DTNBP1: variants seen among roughly 807,000 people sequenced by gnomAD.
DTNBP1 encodes dystrobrevin binding protein 1, also known as dysbindin.
In DTNBP1, 35 loss-of-function variants were observed where a neutral mutation model predicts 42.8. That is an observed-to-expected ratio of 0.82 (90% CI 0.63 to 1.09). The LOEUF is 1.09. DTNBP1 is among the 50% of genes least tolerant of loss of function. DTNBP1 has a pLI of 0.00. For synonymous variants in DTNBP1, 171 were observed against 162.2 expected, an observed-to-expected ratio of 1.05 and a Z score of -0.41; for missense variants, 457 against 424.2, an observed-to-expected ratio of 1.08 and a Z score of -0.68.
rs34253215 is a variant in DTNBP1 at position 15,546,063 on chromosome 6, C to CTTTTTT, written c.512-12674_512-12669dup. On this transcript the variant is annotated intron_variant, in intron 7 of 9. Transcript: ENST00000344537. ...ATGGATCGGAAGGTCACCTCCAGTT[C>CTTTTTT]TTTTTTTTTTTTTTTTTTTTGAGAC... The CTTTTTT allele has an allele frequency of 8.3e-4, 257 of 310,786 alleles. 1 individual carries two copies. The highest frequency in any genetic ancestry group is 1.5e-3 in the South Asian group (63 of 42,268). 19.3% of individuals were successfully genotyped at this position (310,786 alleles called of 1,614,324 possible).
intron 6 of DTNBP1, among the ~76,000 whole-genome samples, chr6:15,594,503 C>CA (rs1372875556): frequency 1.3e-5 from 2 of 149,450 alleles, no homozygotes; most frequent in Non-Finnish European, 3.0e-5. Context: ...AAAACAAAAA[C>CA]AAAACCTGTG....
chr6:15,608,103 G>A (rs961667501), intron 6 of DTNBP1, among the ~76,000 whole-genome samples: 1 of 151,918 alleles, frequency 6.6e-6, no homozygotes, highest in Non-Finnish European at 1.5e-5. Context: ...ACACAAATAT[G>A]CTTTTTCTCC....
rs192977641 is a variant in DTNBP1, at chr6:15,633,778, C to T, written c.222+3966G>A. ...TTCAGTAACCACCACCCTGATCAGTCGGCAGCTATAAACATTAAAAAAAAA... is the reference window on the plus strand; with the variant it reads ...TTCAGTAACCACCACCCTGATCAGTTGGCAGCTATAAACATTAAAAAAAAA... On this transcript the variant is annotated intron_variant, in intron 4 of 9. Transcript: ENST00000344537. Among the ~76,000 whole-genome samples the T allele has an allele frequency of 3.6e-3, 540 of 151,986 alleles. 2 individuals are homozygous for T. The highest frequency in any genetic ancestry group is 9.0e-3 in the African/African-American group (372 of 41,450).
intron 7 of DTNBP1, chr6:15,585,914 T>G (rs1426106880): frequency 7.1e-7 from 1 of 1,408,230 alleles, no homozygotes; most frequent in African/African-American, 1.4e-5. Context: ...GAAATTGTAG[T>G]AAGCCTATTA....
At chr6:15,615,048 T>C (rs1758637348) in intron 6 of DTNBP1, 1 of 700,598 alleles carries the variant, frequency 1.4e-6, no homozygotes, top group Non-Finnish European at 2.5e-6. Flanking sequence ...TCTTTATATT[T>C]GGGATTCATG....
chr6:15,562,832 A>G (rs1774905714), intron 7 of DTNBP1, among the ~76,000 whole-genome samples: 1 of 152,220 alleles, frequency 6.6e-6, no homozygotes, highest in East Asian at 1.9e-4. Flanking sequence ...CCAAGCTGCC[A>G]TCGTTTCTCA....
intron 9 of DTNBP1, chr6:15,523,920 G>A (rs374546569): frequency 3.3e-5 from 43 of 1,287,310 alleles, no homozygotes; most frequent in East Asian, 2.8e-4. Flanking sequence ...CTGCTGGGAC[G>A]ACTGAGCTTT....
intron 7 of DTNBP1, among the ~76,000 whole-genome samples, chr6:15,573,379 G>A (rs1775421454): frequency 6.6e-6 from 1 of 152,022 alleles, no homozygotes; most frequent in East Asian, 1.9e-4. Flanking sequence ...ACTCTAATAA[G>A]AGATTATATA....
rs770898603 is a variant in DTNBP1 at position 15,662,893 on chromosome 6, C to G, written c.-24G>C. The G allele has an allele frequency of 6.2e-7, 1 of 1,602,884 alleles. No homozygotes were observed. The highest frequency in any genetic ancestry group is 8.5e-7 in the Non-Finnish European group (1 of 1,179,290). ...ATTGCCGCCGCCGCCGGTCTCCTCT[C>G]CTCAGGCCTCGGGCTGCTGCTGCCT... On this transcript the variant is annotated 5_prime_UTR_variant, in exon 1 of 10. Coordinates refer to ENST00000344537, the MANE Select transcript of DTNBP1 (RefSeq NM_032122.5).
intron 1 of DTNBP1, 100 bp downstream of exon 1, chr6:15,662,714 G>C (rs1427843461): frequency 2.0e-6 from 3 of 1,517,232 alleles, no homozygotes; most frequent in Non-Finnish European, 2.7e-6. Context: ...GGGACAGGAC[G>C]GACCCTGGAC....
intron 7 of DTNBP1, among the ~76,000 whole-genome samples, chr6:15,583,178 C>CTA (rs1362511222): frequency 2.0e-5 from 3 of 152,044 alleles, no homozygotes; most frequent in Non-Finnish European, 4.4e-5. Flanking sequence ...GCGGGGGTCT[C>CTA]ATTATGTTAC....
At chr6:15,579,430 C>G (rs953661419) in intron 7 of DTNBP1, among the ~76,000 whole-genome samples, 3 of 152,160 alleles carry the variant, frequency 2.0e-5, no homozygotes, top group African/African-American at 7.2e-5. Flanking sequence ...TACAAAATTA[C>G]AGAGAGGAGG....
chr6:15,662,997 C>G lies in DTNBP1; in HGVS notation c.-128G>C, dbSNP rs919700519. 31 of 1,345,212 alleles carry G rather than the reference C, an allele frequency of 2.3e-5. No homozygotes were observed. The highest frequency in any genetic ancestry group is 7.3e-5 in the African/African-American group (5 of 68,188). The allele number at this position is 1,345,212 out of a possible 1,614,324, so 83.3% of individuals were successfully genotyped here. ...GCACTCCCACTACCGGCCCCGCCCC[C>G]GGTCTGGTCCTCGCCGCCGCGCCGC... On this transcript the variant is annotated 5_prime_UTR_variant, in exon 1 of 10. Transcript: ENST00000344537.
intron 3 of DTNBP1, among the ~76,000 whole-genome samples, chr6:15,642,521 C>T (rs1760433402): frequency 6.6e-6 from 1 of 152,200 alleles, no homozygotes; most frequent in Non-Finnish European, 1.5e-5. Flanking sequence ...GGACTGCAGC[C>T]TGAACTGCAT....
At chr6:15,635,243 C>T (rs565615657) in intron 4 of DTNBP1, among the ~76,000 whole-genome samples, 143 of 152,192 alleles carry the variant, frequency 9.4e-4, no homozygotes, top group Non-Finnish European at 1.8e-3. Context: ...CTCAGCCTCC[C>T]GAATAGCTTG....
At chr6:15,638,006 T>A (rs900215615) in intron 3 of DTNBP1, among the ~76,000 whole-genome samples, 2 of 152,156 alleles carry the variant, frequency 1.3e-5, no homozygotes, top group Non-Finnish European at 2.9e-5. Flanking sequence ...AAATACATAA[T>A]GGTAGTAACA....
intron 3 of DTNBP1, among the ~76,000 whole-genome samples, chr6:15,640,733 T>C (rs1304785970): frequency 1.3e-5 from 2 of 152,150 alleles, no homozygotes; most frequent in Non-Finnish European, 2.9e-5. Context: ...CACAATCACA[T>C]TGGCAGAATC....
chr6:15,627,508 C>A (rs528541141), intron 4 of DTNBP1, 33 bp from the exon 5 acceptor site: 2 of 1,612,924 alleles, frequency 1.2e-6, no homozygotes, highest in Admixed American at 1.7e-5. Flanking sequence ...TAAAGTGAAA[C>A]CAGGTTTTAG....
At position 15,587,427 on chromosome 6, in the gene DTNBP1, G is replaced by A. The variant is rs1413994227; in HGVS notation, c.511+5632C>T. Among the ~76,000 whole-genome samples, 5 of 152,118 alleles carry A rather than the reference G, an allele frequency of 3.3e-5. No individual in the cohort carries two copies. The highest frequency in any genetic ancestry group is 5.9e-5 in the Non-Finnish European group (4 of 68,028). On this transcript the variant is annotated intron_variant, in intron 7 of 9. Coordinates refer to ENST00000344537, the MANE Select transcript of DTNBP1 (RefSeq NM_032122.5). This position sits in a 1 kb window ranked among gnomAD's most constrained non-coding sequence, Gnocchi z 4.1. ...GATCCTAAAATTTATATGAAAAGAC[G>A]AAGGACCTTAAATATTAAATAGTCA... is the stretch of plus-strand genomic sequence containing the variant.
Sources: allele counts gnomAD v4.1 joint callset (sites outside exome capture counted in the v4.1 genomes callset), GRCh38; gene constraint gnomAD v4.1.1; non-coding constraint Gnocchi (gnomAD v3.1); transcripts MANE v1.5; gene names NCBI Gene and HGNC (gene_info 2026-07-23, HGNC 2026-07-21).